The following LRRC7 variants were observed in gnomAD, a reference collection of about 807,000 sequenced individuals.
LRRC7 encodes leucine rich repeat containing 7.
LRRC7 carries 23 observed loss-of-function variants against 175.7 expected under a neutral mutation model. That is an observed-to-expected ratio of 0.13 (90% CI 0.09 to 0.19). The LOEUF (loss-of-function observed/expected upper bound fraction) is 0.19. Among genes scored for constraint, LRRC7 ranks in the 10% least tolerant of loss-of-function variants. The pLI is 1.00. For synonymous variants in LRRC7, 685 were observed against 680.9 expected, an observed-to-expected ratio of 1.01 and a Z score of -0.09; for missense variants, 1,354 against 1,904.7, an observed-to-expected ratio of 0.71 and a Z score of 5.38.
Position 70,058,597 on chromosome 1 carries a change from A to G in LRRC7, c.4230+5452A>G, listed in dbSNP as rs115461988. Among the ~76,000 whole-genome samples the G allele has an allele frequency of 5.5e-3, 841 of 152,320 alleles. 7 individuals carry two copies. Among genetic ancestry groups the G allele is most frequent in the African/African-American group, 0.015 (635 of 41,570 alleles). On this transcript the variant is annotated intron_variant, in intron 23 of 26. Coordinates refer to ENST00000651989, the MANE Select transcript of LRRC7 (RefSeq NM_001370785.2). ...ATTTGGTTTCATGTATTAAATCTTT[A>G]CATAAGGCATTGTGTTAAATGCTTT...
chr1:69,653,291 T>A (rs59333564), intron 1 of LRRC7, among the ~76,000 whole-genome samples: 10,012 of 151,700 alleles, frequency 0.066, 341 homozygotes, highest in South Asian at 0.1. Context: ...AACTTTTTTT[T>A]AATTTTTTTA....
intron 2 of LRRC7, among the ~76,000 whole-genome samples, chr1:69,732,044 G>C (rs1229321696): frequency 6.6e-6 from 1 of 151,912 alleles, no homozygotes; most frequent in African/African-American, 2.4e-5. Context: ...CCAATGGAAC[G>C]ATTATTTGAG....
chr1:69,767,660 G>A (rs1485636084), intron 3 of LRRC7, among the ~76,000 whole-genome samples: 1 of 151,976 alleles, frequency 6.6e-6, no homozygotes, highest in Non-Finnish European at 1.5e-5. Context: ...TCTTCGTTAT[G>A]TATATTGTAC....
At chr1:69,784,905 T>C (rs1354668484) in intron 3 of LRRC7, among the ~76,000 whole-genome samples, 1 of 152,220 alleles carries the variant, frequency 6.6e-6, no homozygotes, top group Non-Finnish European at 1.5e-5. Context: ...CTTAATTGCA[T>C]TATTGACCAA....
Position 70,107,837 on chromosome 1 carries a change from T to C in LRRC7, c.4620+11T>C, listed in dbSNP as rs760642340. On this transcript the variant is annotated intron_variant, in intron 26 of 26. Transcript: ENST00000651989. ...GATAAGATCCTTCAGGTAAGACAGA[T>C]AAAAGAAATGCATGCAAATGCCATA... is the stretch of plus-strand genomic sequence containing the variant. 109 of 1,604,202 alleles carry C rather than the reference T, an allele frequency of 6.8e-5. No individual in the cohort carries two copies. Among genetic ancestry groups the C allele is most frequent in the Non-Finnish European group, 9.0e-5 (105 of 1,172,278 alleles).
chr1:69,707,451 C>T (rs186643245), intron 2 of LRRC7, among the ~76,000 whole-genome samples: 21 of 152,236 alleles, frequency 1.4e-4, no homozygotes, highest in East Asian at 5.8e-4. Flanking sequence ...CTTTATTACG[C>T]GCCAATTTCT....
chr1:69,774,587 A>T (rs1325477529), intron 3 of LRRC7, among the ~76,000 whole-genome samples: 1 of 152,182 alleles, frequency 6.6e-6, no homozygotes, highest in Admixed American at 6.5e-5. Context: ...AATTTGCTTC[A>T]CTACAGTAGC....
At chr1:70,001,252 T>C (rs1195365111) in intron 11 of LRRC7, among the ~76,000 whole-genome samples, 1 of 152,158 alleles carries the variant, frequency 6.6e-6, no homozygotes, top group Non-Finnish European at 1.5e-5. Flanking sequence ...GATGAGAATA[T>C]CAAACATTAA....
chr1:70,088,942 A>G (rs1663815156), intron 24 of LRRC7, among the ~76,000 whole-genome samples: 1 of 152,162 alleles, frequency 6.6e-6, no homozygotes, highest in African/African-American at 2.4e-5. Flanking sequence ...ATAGACTTTC[A>G]TTCATGATTT....
intron 4 of LRRC7, among the ~76,000 whole-genome samples, chr1:69,809,802 A>T (rs1570052111): frequency 1.3e-5 from 2 of 152,160 alleles, no homozygotes; most frequent in Admixed American, 6.6e-5. Flanking sequence ...TTTATGAGAA[A>T]CCCACAGCCA....
chr1:69,888,479 G>A (rs61782598), intron 7 of LRRC7, among the ~76,000 whole-genome samples: 21,637 of 151,928 alleles, frequency 0.14, 2,272 homozygotes, highest in African/African-American at 0.3. Flanking sequence ...TTTGGCTCGC[G>A]CACGGTGCGC....
chr1:69,964,550 T>A (rs148638755), intron 8 of LRRC7, among the ~76,000 whole-genome samples: 4 of 152,198 alleles, frequency 2.6e-5, no homozygotes, highest in African/African-American at 7.2e-5. Context: ...GAAGTTAGAT[T>A]TTTTTGTTGT....
rs1052099347 is a variant in LRRC7, at chr1:70,136,024, C to G, written c.*14137C>G. Among the ~76,000 whole-genome samples, 1 of 151,352 alleles carries G rather than the reference C, an allele frequency of 6.6e-6. No homozygotes were observed. Among genetic ancestry groups the G allele is most frequent in the Non-Finnish European group, 1.5e-5 (1 of 67,914 alleles). ...TTTGTGGCCATTTCCCAGAGAAATT[C>G]AAACTTGGGAATTAATATCTCTCTC... On this transcript the variant is annotated 3_prime_UTR_variant, in exon 27 of 27. Transcript: ENST00000651989.
chr1:69,802,376 G>A (rs1676619658), intron 4 of LRRC7, among the ~76,000 whole-genome samples: 2 of 151,336 alleles, frequency 1.3e-5, no homozygotes. Context: ...AGTAATGTTT[G>A]TTTTATAAAT....
At chr1:69,955,195 G>A (rs1650367099) in intron 8 of LRRC7, among the ~76,000 whole-genome samples, 1 of 151,954 alleles carries the variant, frequency 6.6e-6, no homozygotes. Context: ...ATATACAAAA[G>A]TAAAGTAAAA....
intron 7 of LRRC7, among the ~76,000 whole-genome samples, chr1:69,918,478 G>A (rs1231322056): frequency 6.6e-6 from 1 of 152,076 alleles, no homozygotes; most frequent in East Asian, 1.9e-4. Flanking sequence ...CATCTAAAAG[G>A]AACATTTTTT....
intron 2 of LRRC7, among the ~76,000 whole-genome samples, chr1:69,747,180 A>G (rs1399459242): frequency 6.6e-6 from 1 of 152,174 alleles, no homozygotes; most frequent in Non-Finnish European, 1.5e-5. Flanking sequence ...GGACTCAAAA[A>G]ATGAATGTTG....
At chr1:69,978,131 C>T (rs1653019038) in intron 8 of LRRC7, among the ~76,000 whole-genome samples, 1 of 152,168 alleles carries the variant, frequency 6.6e-6, no homozygotes, top group Non-Finnish European at 1.5e-5. Flanking sequence ...AACCCCGCCT[C>T]TACTAAAAAT....
At chr1:69,924,599 T>C (rs1647000466) in intron 7 of LRRC7, among the ~76,000 whole-genome samples, 1 of 152,144 alleles carries the variant, frequency 6.6e-6, no homozygotes, top group South Asian at 2.1e-4. Flanking sequence ...GGCTCTCTGT[T>C]TGTCTGTTAT....
Sources: allele counts gnomAD v4.1 joint callset (sites outside exome capture counted in the v4.1 genomes callset), GRCh38; gene constraint gnomAD v4.1.1; transcripts MANE v1.5; gene names NCBI Gene and HGNC (gene_info 2026-07-23, HGNC 2026-07-21).